The following RANBP2 variants were observed in gnomAD, a reference collection of about 807,000 sequenced individuals.
RANBP2 encodes E3 SUMO-protein ligase RanBP2.
In RANBP2, 57 loss-of-function variants were observed where a neutral mutation model predicts 303.6. The observed-to-expected ratio is 0.19, with a 90% CI of 0.15 to 0.23. RANBP2 has a LOEUF of 0.23. Among genes scored for constraint, RANBP2 ranks in the 10% least tolerant of loss-of-function variants. The pLI is 1.00. For synonymous variants in RANBP2, 1,167 were observed against 1,301.5 expected (o/e 0.90, Z 2.23); for missense variants, 3,138 against 3,780.8 (o/e 0.83, Z 4.46).
At chr2:108,989,235 T>C in the RANBP2 span, 1 of 152,904 alleles carries the variant, frequency 6.5e-6, no homozygotes. Flanking sequence ...ACTCAGTCCT[T>C]GCCGAGGGGC....
chr2:108,987,086 T>G, the RANBP2 span, among the ~76,000 whole-genome samples: 5,857 of 152,330 alleles, frequency 0.038, 237 homozygotes, highest in African/African-American at 0.095. Context: ...GCTGAGGGGC[T>G]GAGCCACTTA....
chr2:109,225,866 A>G, the RANBP2 span, among the ~76,000 whole-genome samples: 2 of 152,206 alleles, frequency 1.3e-5, no homozygotes, highest in Non-Finnish European at 2.9e-5. Flanking sequence ...CCTGGGATGA[A>G]GTGATCCTCC....
chr2:109,466,686 T>C, the RANBP2 span, among the ~76,000 whole-genome samples: 1 of 152,224 alleles, frequency 6.6e-6, no homozygotes. Flanking sequence ...TATGTTATCT[T>C]CTAGGAGTTT....
At chr2:108,915,234 CT>C in the RANBP2 span, among the ~76,000 whole-genome samples, 4 of 152,144 alleles carry the variant, frequency 2.6e-5, no homozygotes, top group Non-Finnish European at 4.4e-5. Flanking sequence ...GTAGGAAGTT[CT>C]CAGGAGAAAC....
chr2:109,470,411 T>G, the RANBP2 span, among the ~76,000 whole-genome samples: 1 of 152,332 alleles, frequency 6.6e-6, no homozygotes, highest in Admixed American at 6.5e-5. Context: ...TGTCAATCTT[T>G]GGTTCTCAGA....
the RANBP2 span, among the ~76,000 whole-genome samples, chr2:109,384,992 C>T: frequency 6.6e-6 from 1 of 152,374 alleles, no homozygotes; most frequent in Admixed American, 6.5e-5. Flanking sequence ...TCACTGCAGT[C>T]TACCCTGTGG....
At chr2:109,545,768 C>A in the RANBP2 span, 1 of 1,426,672 alleles carries the variant, frequency 7.0e-7, no homozygotes, top group East Asian at 2.5e-5. Flanking sequence ...GCCATTTTCC[C>A]CCAGCTAACT....
chr2:109,279,714 G>A, the RANBP2 span, among the ~76,000 whole-genome samples: 11 of 151,840 alleles, frequency 7.2e-5, no homozygotes, highest in East Asian at 2.0e-4. Flanking sequence ...GCCAGCTTGC[G>A]TTTCTTTTGA....
the RANBP2 span, among the ~76,000 whole-genome samples, chr2:109,513,114 C>T: frequency 1.3e-5 from 2 of 152,284 alleles, no homozygotes; most frequent in Admixed American, 1.3e-4. Context: ...TGCCATGCCA[C>T]CCCAGCTCCT....
At chr2:109,586,731 G>A in the RANBP2 span, among the ~76,000 whole-genome samples, 2 of 152,192 alleles carry the variant, frequency 1.3e-5, no homozygotes, top group African/African-American at 2.4e-5. Flanking sequence ...AAGCCTGTAA[G>A]TTAAAGAGTC....
chr2:109,263,103 C>G, the RANBP2 span, among the ~76,000 whole-genome samples: 2 of 152,192 alleles, frequency 1.3e-5, no homozygotes, highest in African/African-American at 4.8e-5. Flanking sequence ...ACCTCGGCCT[C>G]CCAAAGGGCT....
At chr2:108,850,673 G>A in the RANBP2 span, among the ~76,000 whole-genome samples, 1 of 151,922 alleles carries the variant, frequency 6.6e-6, no homozygotes, top group Non-Finnish European at 1.5e-5. Context: ...GGCTGGTCTC[G>A]AACTCCTGAC....
At chr2:108,846,953 G>A in the RANBP2 span, 1 of 1,309,092 alleles carries the variant, frequency 7.6e-7, no homozygotes, top group Non-Finnish European at 1.1e-6. Flanking sequence ...TTGTACTTAT[G>A]GTTAATTTTG....
chr2:109,327,554 A>G, the RANBP2 span, among the ~76,000 whole-genome samples: 1 of 152,250 alleles, frequency 6.6e-6, no homozygotes, highest in Non-Finnish European at 1.5e-5. Context: ...CATTTGAACT[A>G]TACATCAAGT....
the RANBP2 span, among the ~76,000 whole-genome samples, chr2:109,336,329 C>G: frequency 6.6e-6 from 1 of 152,142 alleles, no homozygotes; most frequent in African/African-American, 2.4e-5. Context: ...GTTTACAAAG[C>G]CACATTAAAG....
At chr2:109,152,429 A>G in the RANBP2 span, among the ~76,000 whole-genome samples, 1 of 152,218 alleles carries the variant, frequency 6.6e-6, no homozygotes, top group Non-Finnish European at 1.5e-5. Flanking sequence ...CTCCGATCTC[A>G]AGTTGAGAAC....
chr2:109,535,993 AT>A, the RANBP2 span, among the ~76,000 whole-genome samples: 3 of 134,508 alleles, frequency 2.2e-5, no homozygotes, highest in Non-Finnish European at 3.0e-5. Flanking sequence ...CTCTGCCTAG[AT>A]TTCAGATGTA....
At chr2:108,740,453 AGTGT>A (rs1270415207) in intron 6 of RANBP2, 32 bp from the exon 7 acceptor site, 8 of 1,597,186 alleles carry the variant, frequency 5.0e-6, no homozygotes, top group Admixed American at 3.3e-5. Context: ...CAGTGCAGTA[AGTGT>A]GTATTATCTG....
the RANBP2 span, among the ~76,000 whole-genome samples, chr2:109,034,300 A>G: frequency 7.0e-6 from 1 of 143,630 alleles, no homozygotes; most frequent in Admixed American, 7.0e-5. Context: ...AAAAAAAGGA[A>G]GGTTCAAACT....
Sources: gnomAD v4.1 joint callset for allele counts (sites outside exome capture counted in the v4.1 genomes callset) on GRCh38, gnomAD v4.1.1 for gene constraint, MANE v1.5 for transcripts, NCBI Gene and HGNC (gene_info 2026-07-23, HGNC 2026-07-21) for gene names.